Variants in TAFA5 observed in about 807,000 individuals in gnomAD.
The protein encoded by TAFA5 is TAFA chemokine like family member 5.
In TAFA5, 6 loss-of-function variants were observed where a neutral mutation model predicts 15.3. The observed-to-expected ratio is 0.39, with a 90% confidence interval of 0.21 to 0.77. The LOEUF (loss-of-function observed/expected upper bound fraction) is 0.77. Ranked by LOEUF, TAFA5 falls within the 30% of genes least tolerant of loss-of-function variation. The pLI is 0.41. For synonymous variants in TAFA5, 103 were observed against 80.7 expected (o/e 1.28, Z -1.48); for missense variants, 161 against 193.1 (o/e 0.83, Z 0.98).
At chr22:48,718,764 C>T (rs1420110535) in intron 3 of TAFA5, among the ~76,000 whole-genome samples, 1 of 152,202 alleles carries the variant, frequency 6.6e-6, no homozygotes, top group African/African-American at 2.4e-5. Context: ...CCCCCGCCCC[C>T]CAACCTTCCA....
chr22:48,582,664 AAAATACACCACACACG>A (rs1351141698), intron 1 of TAFA5, among the ~76,000 whole-genome samples: 1 of 150,492 alleles, frequency 6.6e-6, no homozygotes, highest in East Asian at 2.0e-4. Context: ...CACCACACAC[AAAATACACCACACACG>A]AAATACACCA....
rs1927920207 is a variant in TAFA5 at position 48,674,837 on chromosome 22, A to T, written c.262+28091A>T. On this transcript the variant is annotated intron_variant, in intron 2 of 3. Coordinates refer to ENST00000402357, the MANE Select transcript of TAFA5 (RefSeq NM_001082967.3). ...CACAGTTTTATCGGGACACTGTCAC[A>T]CTATTCTTTCGGTGTTGCTGTGGCT... is the stretch of plus-strand genomic sequence containing the variant. Among the ~76,000 whole-genome samples, 3 of 152,242 alleles carry T rather than the reference A, an allele frequency of 2.0e-5. No homozygotes were observed. In the South Asian group the frequency reaches 6.2e-4, roughly 32 times the overall value.
chr22:48,690,847 GC>G (rs147319325), intron 2 of TAFA5, among the ~76,000 whole-genome samples: 3,097 of 152,214 alleles, frequency 0.02, 129 homozygotes, highest in African/African-American at 0.071. Flanking sequence ...GGGCCGTGCT[GC>G]CCCCGCCCCC....
chr22:48,570,563 T>C (rs1393634916), intron 1 of TAFA5, among the ~76,000 whole-genome samples: 3 of 152,216 alleles, frequency 2.0e-5, no homozygotes, highest in Non-Finnish European at 2.9e-5. Flanking sequence ...ATGTCAGCAG[T>C]GCACACTCAA....
intron 1 of TAFA5, chr22:48,544,987 C>T (rs929239166): frequency 4.2e-5 from 18 of 424,600 alleles, no homozygotes; most frequent in African/African-American, 3.4e-4. Flanking sequence ...AGCCGCCTCT[C>T]CTTTGCTGCG....
intron 1 of TAFA5, among the ~76,000 whole-genome samples, chr22:48,561,960 G>C (rs970838795): frequency 1.3e-5 from 2 of 152,118 alleles, no homozygotes; most frequent in Non-Finnish European, 2.9e-5. Flanking sequence ...CACCCTGCCC[G>C]GCCTCAGGCT....
chr22:48,628,234 G>T (rs1488959865), intron 1 of TAFA5, among the ~76,000 whole-genome samples: 1 of 152,198 alleles, frequency 6.6e-6, no homozygotes, highest in Non-Finnish European at 1.5e-5. Flanking sequence ...ACAGGCCCAG[G>T]CCAGGCGCGT....
rs1569025814 is a variant in TAFA5, at chr22:48,560,378, C to G, written c.112+70674C>G. On this transcript the variant is annotated intron_variant, in intron 1 of 3. Coordinates refer to ENST00000402357, the MANE Select transcript of TAFA5 (RefSeq NM_001082967.3). The surrounding 1 kb of genome is among the most constrained non-coding windows in gnomAD (Gnocchi z 4.2). The stretch of plus-strand genomic sequence containing the variant: ...CCCCAGCATTTCCATTCTCGGCCTC[C>G]AATCCCTGGAGACCACACGTGGGAT... Among the ~76,000 whole-genome samples, 1 of 152,102 alleles carries G rather than the reference C, an allele frequency of 6.6e-6. No individual in the cohort carries two copies. The highest frequency in any genetic ancestry group is 1.5e-5 in the Non-Finnish European group (1 of 68,020).
At chr22:48,672,216 A>G (rs1290454102) in intron 2 of TAFA5, among the ~76,000 whole-genome samples, 1 of 152,024 alleles carries the variant, frequency 6.6e-6, no homozygotes, top group Non-Finnish European at 1.5e-5. Context: ...TAGCCGATGG[A>G]CTCTGGGGAA....
chr22:48,639,180 T>G (rs1926584856), intron 1 of TAFA5, among the ~76,000 whole-genome samples: 2 of 152,196 alleles, frequency 1.3e-5, no homozygotes, highest in Non-Finnish European at 2.9e-5. Flanking sequence ...ACGGGAACTC[T>G]GGGCGGCCCC....
intron 1 of TAFA5, among the ~76,000 whole-genome samples, chr22:48,615,852 A>G (rs1309970788): frequency 6.6e-6 from 1 of 152,170 alleles, no homozygotes; most frequent in Non-Finnish European, 1.5e-5. Context: ...TCTGCATTGC[A>G]CATCCCTCCT....
At chr22:48,583,625 A>G (rs1369764155) in intron 1 of TAFA5, among the ~76,000 whole-genome samples, 1 of 151,714 alleles carries the variant, frequency 6.6e-6, no homozygotes, top group East Asian at 1.9e-4. Context: ...CACACGAAAT[A>G]CACCATACAC....
chr22:48,523,574 C>T (rs1921680553), intron 1 of TAFA5, among the ~76,000 whole-genome samples: 1 of 152,204 alleles, frequency 6.6e-6, no homozygotes, highest in Non-Finnish European at 1.5e-5. Context: ...TGCCACATCC[C>T]AGGTGCTGCT....
intron 3 of TAFA5, among the ~76,000 whole-genome samples, chr22:48,729,313 TATA>T (rs530425467): frequency 7.1e-4 from 69 of 96,824 alleles, no homozygotes; most frequent in African/African-American, 1.7e-3. Flanking sequence ...TTTATAAATA[TATA>T]ATATTTTTAT....
rs1483502257 is a variant in TAFA5, at chr22:48,749,906, T to G, written c.*59T>G. 2 of 1,478,882 alleles carry G rather than the reference T, an allele frequency of 1.4e-6. No homozygotes were observed. The highest frequency in any genetic ancestry group is 2.8e-5 in the African/African-American group (2 of 71,590). 91.6% of individuals were successfully genotyped at this position (1,478,882 alleles called of 1,614,324 possible). ...CTTGGCTCCCTGGAGAGCCCACGTCTCAGCCACAGTTCTCCACTCGCCTCG... is the reference window on the plus strand; with the variant it reads ...CTTGGCTCCCTGGAGAGCCCACGTCGCAGCCACAGTTCTCCACTCGCCTCG... On this transcript the variant is annotated 3_prime_UTR_variant, in exon 4 of 4. Transcript: ENST00000402357.
intron 1 of TAFA5, among the ~76,000 whole-genome samples, chr22:48,554,924 C>T (rs752047084): frequency 3.3e-5 from 5 of 152,188 alleles, no homozygotes; most frequent in Non-Finnish European, 5.9e-5. Context: ...GGGGGTCCTA[C>T]GAGCCTCTTC....
At chr22:48,616,620 G>A (rs1332816397) in intron 1 of TAFA5, among the ~76,000 whole-genome samples, 2 of 151,446 alleles carry the variant, frequency 1.3e-5, no homozygotes, top group Non-Finnish European at 2.9e-5. Context: ...AAACCAGGGA[G>A]TGGCCTCGCT....
At chr22:48,649,871 T>C (rs1182724751) in intron 2 of TAFA5, among the ~76,000 whole-genome samples, 2 of 152,152 alleles carry the variant, frequency 1.3e-5, no homozygotes, top group South Asian at 2.1e-4. Flanking sequence ...GGGGTCAAAA[T>C]TGATTACTAA....
chr22:48,686,557 G>A (rs562778203), intron 2 of TAFA5, among the ~76,000 whole-genome samples: 1 of 152,316 alleles, frequency 6.6e-6, no homozygotes, highest in East Asian at 1.9e-4. Flanking sequence ...TTGCAGGGGG[G>A]CACAGAAGTT....
Sources: gnomAD v4.1 joint callset for allele counts (sites outside exome capture counted in the v4.1 genomes callset) on GRCh38, gnomAD v4.1.1 for gene constraint, Gnocchi (gnomAD v3.1) non-coding constraint, MANE v1.5 for transcripts, NCBI Gene and HGNC (gene_info 2026-07-23, HGNC 2026-07-21) for gene names.